The following NAMPT variants were observed in gnomAD, a reference collection of about 807,000 sequenced individuals.
NAMPT encodes nicotinamide phosphoribosyltransferase, also known as NAmPRTase.
NAMPT carries 7 observed loss-of-function variants against 58.7 expected under a neutral mutation model. The observed-to-expected ratio is 0.12, with a 90% confidence interval of 0.07 to 0.22. The LOEUF is 0.22. NAMPT is among the 10% of genes least tolerant of loss of function. The probability of loss-of-function intolerance (pLI) is 1.00; values close to 1 mark genes in which losing one functional copy is unlikely to be tolerated. For missense variants in NAMPT, 271 were observed against 567.9 expected, an observed-to-expected ratio of 0.48 and a Z score of 5.31; for synonymous variants, 145 against 198.1, an observed-to-expected ratio of 0.73 and a Z score of 2.25.
chr7:106,267,876 A>AACAAAAAAAAAC lies in NAMPT; in HGVS notation c.743+587_743+588insGTTTTTTTTTGT, dbSNP rs1189395299. ...AAAAAAAAAAAAAAAAAAAAAAAAA[A>AACAAAAAAAAAC]CAACCTGATTTACTTTTAATAAAGT... On this transcript the variant is annotated intron_variant, in intron 6 of 10. Coordinates refer to ENST00000222553, the MANE Select transcript of NAMPT (RefSeq NM_005746.3). 9.4e-4 allele frequency among the ~76,000 whole-genome samples: 123 copies of AACAAAAAAAAAC among 130,456 alleles called. 2 individuals are homozygous for AACAAAAAAAAAC. Among genetic ancestry groups the AACAAAAAAAAAC allele is most frequent in the Non-Finnish European group, 1.6e-3 (95 of 59,860 alleles). 85.6% of individuals were successfully genotyped at this position (130,456 alleles called of 152,430 possible).
intron 6 of NAMPT, among the ~76,000 whole-genome samples, chr7:106,267,256 A>C (rs1167361722): frequency 6.7e-6 from 1 of 148,748 alleles, no homozygotes. Context: ...CGAGGAGTTA[A>C]CCAACAGAGC....
upstream of NAMPT, chr7:106,285,266 C>G: frequency 7.3e-6 from 6 of 827,458 alleles, no homozygotes; most frequent in South Asian, 4.9e-5. Flanking sequence ...GACGCCAGCT[C>G]TGGGAAGCTG....
intron 9 of NAMPT, among the ~76,000 whole-genome samples, chr7:106,253,972 C>T (rs983999502): frequency 2.0e-5 from 3 of 152,050 alleles, no homozygotes; most frequent in South Asian, 2.1e-4. Flanking sequence ...ACAATCCAAA[C>T]CTCATATTCT....
At chr7:106,285,386 T>C, upstream of NAMPT, 4 of 451,654 alleles carry the variant, frequency 8.9e-6, no homozygotes, top group Non-Finnish European at 1.2e-5. Flanking sequence ...GCTTTGCCAG[T>C]GCCACGAGGA....
chr7:106,274,588 C>T (rs1299828848), intron 3 of NAMPT, among the ~76,000 whole-genome samples: 1 of 152,162 alleles, frequency 6.6e-6, no homozygotes, highest in Non-Finnish European at 1.5e-5. Flanking sequence ...GGGATGGTGG[C>T]TCACACCTGT....
At chr7:106,285,754 C>G (rs1477323112), upstream of NAMPT, 1 of 195,622 alleles carries the variant, frequency 5.1e-6, no homozygotes, top group Non-Finnish European at 9.3e-6. Flanking sequence ...TGACTTTTCC[C>G]GAGCAAAGAG....
intron 3 of NAMPT, among the ~76,000 whole-genome samples, chr7:106,274,111 A>G (rs1792588290): frequency 6.7e-6 from 1 of 150,162 alleles, no homozygotes; most frequent in Admixed American, 6.7e-5. Flanking sequence ...AACATACTAG[A>G]TATAAATATA....
At chr7:106,253,174 T>C (rs1792133484) in intron 9 of NAMPT, 23 bp from the exon 10 acceptor site, 3 of 1,608,140 alleles carry the variant, frequency 1.9e-6, no homozygotes, top group Non-Finnish European at 2.5e-6. Flanking sequence ...TTAAGAAAGT[T>C]AGACAAGTAG....
chr7:106,258,945 G>C (rs1283350306), intron 8 of NAMPT, among the ~76,000 whole-genome samples: 1 of 152,156 alleles, frequency 6.6e-6, no homozygotes, highest in Non-Finnish European at 1.5e-5. Flanking sequence ...TGTAGCTTGC[G>C]ATGCTGTTTG....
At chr7:106,276,343 A>C (rs966924338) in intron 2 of NAMPT, 1 of 152,186 alleles carries the variant, frequency 6.6e-6, no homozygotes, top group East Asian at 1.9e-4. Context: ...TTTAATATGC[A>C]TTTGCAACTA....
Position 106,263,621 on chromosome 7 carries a change from GA to G in NAMPT, c.744-5del, listed in dbSNP as rs199929566. On this transcript the variant is annotated splice_region_variant and splice_polypyrimidine_tract_variant and intron_variant, in intron 6 of 10. Coordinates refer to ENST00000222553, the MANE Select transcript of NAMPT (RefSeq NM_005746.3). The stretch of plus-strand genomic sequence containing the variant: ...TTTCCCCCAAGCTGTTATGGTACTA[GA>G]AAAAAAAATGAAAACACAGATTTAC... The G allele has an allele frequency of 1.1e-4, 178 of 1,588,502 alleles. No homozygotes were observed. The African/African-American group carries it at 1.5e-3, about 14-fold the overall frequency.
chr7:106,269,213 A>C lies in NAMPT; in HGVS notation c.547T>G (p.Leu183Val), dbSNP rs766548409. Reference sequence around the variant, plus strand: ...TGTAACTTGTATTCCAGACCATCTAAGTTACCAGAAGTTTCTAACAAATAT... The same window carrying C: ...TGTAACTTGTATTCCAGACCATCTACGTTACCAGAAGTTTCTAACAAATAT... The part of the protein sequence containing the change: ...AKYLLETSGN[L>V]DGLEYKLHDF... Residue 183 changes from leucine (L) to valine (V), a missense_variant, in exon 5 of 11, where the codon TTA becomes GTA. Physicochemically the swap from Leu to Val is conservative, Grantham distance 32. Coordinates refer to ENST00000222553, the MANE Select transcript of NAMPT (RefSeq NM_005746.3). The C allele has an allele frequency of 6.2e-7, 1 of 1,613,580 alleles. No individual in the cohort carries two copies. The highest frequency in any genetic ancestry group is 8.5e-7 in the Non-Finnish European group (1 of 1,179,760).
chr7:106,255,583 AT>A (rs2115729330), intron 8 of NAMPT, among the ~76,000 whole-genome samples: 1 of 152,348 alleles, frequency 6.6e-6, no homozygotes, highest in East Asian at 1.9e-4. Context: ...ACAAATCTAC[AT>A]TTAGAAATGC....
Position 106,254,517 on chromosome 7 carries a change from A to G in NAMPT, c.1090-13T>C. On this transcript the variant is annotated splice_polypyrimidine_tract_variant and intron_variant, in intron 8 of 10. Transcript: ENST00000222553. Reference sequence around the variant, plus strand: ...TGCCTTCTACAATCTAGAAGATTAAAACAAAACAAAACCAAACCAAACCTT... The same window carrying G: ...TGCCTTCTACAATCTAGAAGATTAAGACAAAACAAAACCAAACCAAACCTT... 1 of 1,612,200 alleles carries G rather than the reference A, an allele frequency of 6.2e-7. No homozygotes were observed.
chr7:106,264,937 T>C (rs973930661), intron 6 of NAMPT, among the ~76,000 whole-genome samples: 1 of 152,040 alleles, frequency 6.6e-6, no homozygotes, highest in Non-Finnish European at 1.5e-5. Flanking sequence ...GTCAATGGTA[T>C]ACCTGGGGTA....
chr7:106,278,246 A>C (rs565292063), intron 1 of NAMPT, among the ~76,000 whole-genome samples: 1 of 152,188 alleles, frequency 6.6e-6, no homozygotes, highest in Non-Finnish European at 1.5e-5. Flanking sequence ...TAGTACAAGA[A>C]TCCTAAGATG....
rs1024487512 is a variant in NAMPT at position 106,272,190 on chromosome 7, G to A, written c.447+340C>T. 1.1e-4 allele frequency: 33 copies of A among 289,872 alleles called. 1 individual carries two copies. The highest frequency in any genetic ancestry group is 9.1e-4 in the South Asian group (29 of 31,784). 18.0% of individuals were successfully genotyped at this position (289,872 alleles called of 1,614,324 possible). A position where few individuals can be genotyped will look rare whatever the true frequency, so the allele number is the denominator to read the frequency against. On this transcript the variant is annotated intron_variant, in intron 4 of 10. Transcript: ENST00000222553. ...CTAACTTGAACATTTATCATTCATC[G>A]AATGTCGTAAGTTACTAGAAATGTG...
intron 8 of NAMPT, among the ~76,000 whole-genome samples, chr7:106,259,738 A>G (rs1051053739): frequency 1.3e-5 from 2 of 152,172 alleles, no homozygotes; most frequent in African/African-American, 4.8e-5. Context: ...ATATTTCCTA[A>G]ATAATAGCAT....
Position 106,261,675 on chromosome 7 carries a change from A to T in NAMPT, c.1002T>A (p.Val334=), listed in dbSNP as rs185838240. The T allele has an allele frequency of 1.1e-5, 17 of 1,602,798 alleles. No homozygotes were observed. Among genetic ancestry groups the T allele is most frequent in the Non-Finnish European group, 1.4e-5 (16 of 1,169,942 alleles). Residue 334 remains valine (V), a synonymous_variant, in exon 8 of 11, where the codon GTT becomes GTA. Coordinates refer to ENST00000222553, the MANE Select transcript of NAMPT (RefSeq NM_005746.3). ...VLEILGKKFP[V]TENSKGYKLL... is the part of the protein sequence containing the mutation. Reference sequence around the variant, plus strand: ...ACTTGTAACCCTTTGAGTTCTCAGTAACAGGAAACTTCTTACCTAAAATCT... The same window carrying T: ...ACTTGTAACCCTTTGAGTTCTCAGTTACAGGAAACTTCTTACCTAAAATCT...
Sources: gnomAD v4.1 joint callset for allele counts (sites outside exome capture counted in the v4.1 genomes callset) on GRCh38, gnomAD v4.1.1 for gene constraint, MANE v1.5 for transcripts, NCBI Gene and HGNC (gene_info 2026-07-23, HGNC 2026-07-21) for gene names.